ZEB1: variants seen among roughly 807,000 people sequenced by gnomAD.
The protein encoded by ZEB1 is zinc finger E-box binding homeobox 1.
A neutral mutation model predicts 84.9 loss-of-function variants in ZEB1; 21 were observed. That is an observed-to-expected ratio of 0.25 (90% CI 0.18 to 0.36). The LOEUF (loss-of-function observed/expected upper bound fraction) is 0.36, where lower values mean the gene tolerates loss of function less well. Among genes scored for constraint, ZEB1 ranks in the 10% least tolerant of loss-of-function variants. The pLI, the probability that ZEB1 is intolerant of heterozygous loss-of-function variation, is 1.00. For synonymous variants in ZEB1, 420 were observed against 471.1 expected (o/e 0.89, Z 1.41); for missense variants, 1,104 against 1,330.2 (o/e 0.83, Z 2.65).
chr10:31,472,462 A>C (rs1405155648), intron 2 of ZEB1, among the ~76,000 whole-genome samples: 2 of 152,238 alleles, frequency 1.3e-5, no homozygotes, highest in Admixed American at 6.5e-5. Flanking sequence ...ATCTAGAAGA[A>C]ATGGATACAT....
intron 1 of ZEB1, among the ~76,000 whole-genome samples, chr10:31,337,639 T>C (rs1564506146): frequency 6.6e-6 from 1 of 151,788 alleles, no homozygotes; most frequent in African/African-American, 2.4e-5. Flanking sequence ...TTTTATACTA[T>C]CTTTGTATTT....
chr10:31,493,073 T>C (rs1019983401), intron 2 of ZEB1, among the ~76,000 whole-genome samples: 6 of 151,972 alleles, frequency 3.9e-5, no homozygotes, highest in Non-Finnish European at 7.4e-5. Context: ...AGAGCAGTTC[T>C]GTCACTAACA....
Position 31,375,090 on chromosome 10 carries a change from C to CACAG in ZEB1, c.58+55799_58+55800insCAGA, listed in dbSNP as rs1204880411. On this transcript the variant is annotated intron_variant, in intron 1 of 8. Transcript: ENST00000424869. Reference sequence around the variant, plus strand: ...ACACACACACACACACACACACACACAGAGAAGCATACATGTTGATTACGT... The same window carrying CACAG: ...ACACACACACACACACACACACACACACAGAGAGAAGCATACATGTTGATTACGT... The CACAG allele has an allele frequency of 1.2e-3, 165 of 140,006 alleles. 1 individual carries two copies. The highest frequency in any genetic ancestry group is 3.8e-3 in the African/African-American group (135 of 35,362). 8.7% of individuals were successfully genotyped at this position (140,006 alleles called of 1,614,324 possible).
intron 1 of ZEB1, among the ~76,000 whole-genome samples, chr10:31,343,027 G>A (rs2039675369): frequency 6.6e-6 from 1 of 152,048 alleles, no homozygotes; most frequent in African/African-American, 2.4e-5. Flanking sequence ...ACATTCCAAG[G>A]ACGGTAAAAA....
intron 1 of ZEB1, chr10:31,361,018 G>C: frequency 6.2e-7 from 1 of 1,609,722 alleles, no homozygotes; most frequent in South Asian, 1.1e-5. Flanking sequence ...CAAGGCTCCT[G>C]CTTACCATCT....
intron 1 of ZEB1, among the ~76,000 whole-genome samples, chr10:31,399,316 AAT>A (rs2051448254): frequency 6.6e-6 from 1 of 151,964 alleles, no homozygotes; most frequent in African/African-American, 2.4e-5. Flanking sequence ...CTTAGAATGT[AAT>A]ATAGTAAACT....
rs569472473 is a variant in ZEB1 at position 31,348,384 on chromosome 10, C to T, written c.58+29092C>T. On this transcript the variant is annotated intron_variant, in intron 1 of 8. Coordinates refer to ENST00000424869, the MANE Select transcript of ZEB1 (RefSeq NM_001174096.2). ...TCTGAGACCAGCCTTGCCAACATAG[C>T]GAAACCCCATCTCTACTAAAAATAC... is the stretch of plus-strand genomic sequence containing the variant. Among the ~76,000 whole-genome samples, 12 of 151,820 alleles carry T rather than the reference C, an allele frequency of 7.9e-5. No homozygotes were observed. In the East Asian group the frequency reaches 2.1e-3, roughly 27 times the overall value.
At chr10:31,333,408 G>T (rs2037242083) in intron 1 of ZEB1, among the ~76,000 whole-genome samples, 1 of 152,056 alleles carries the variant, frequency 6.6e-6, no homozygotes, top group Admixed American at 6.5e-5. Flanking sequence ...AATGTAAAAA[G>T]GATAAAGAAC....
intron 1 of ZEB1, among the ~76,000 whole-genome samples, chr10:31,427,715 C>T (rs377217269): frequency 9.2e-5 from 14 of 152,074 alleles, no homozygotes; most frequent in African/African-American, 3.1e-4. Flanking sequence ...AAAAATTAGC[C>T]GGGCGTGGTG....
Position 31,388,093 on chromosome 10 carries a change from T to C in ZEB1, c.58+68801T>C, listed in dbSNP as rs552053659. 5.3e-5 allele frequency among the ~76,000 whole-genome samples: 8 copies of C among 152,256 alleles called. No individual in the cohort carries two copies. In the East Asian group the frequency reaches 1.5e-3, roughly 29 times the overall value. ...AAATTCAAATGTCATTTGGATATCA[T>C]TAATTGACTATGGAGAAGAGCAGAA... On this transcript the variant is annotated intron_variant, in intron 1 of 8. Transcript: ENST00000424869.
At chr10:31,329,894 GT>G (rs1263315551) in intron 1 of ZEB1, among the ~76,000 whole-genome samples, 1 of 152,000 alleles carries the variant, frequency 6.6e-6, no homozygotes, top group South Asian at 2.1e-4. Context: ...TAATTGGATT[GT>G]TTGTCTTTTT....
Position 31,488,089 on chromosome 10 carries a change from A to G in ZEB1, c.260-7687A>G, listed in dbSNP as rs143794406. ...CTTTTTCTTTTATTTTCTTCGTACTATTGTCCTATGGTTTTGGTATTAGAA... is the reference window on the plus strand; with the variant it reads ...CTTTTTCTTTTATTTTCTTCGTACTGTTGTCCTATGGTTTTGGTATTAGAA... On this transcript the variant is annotated intron_variant, in intron 2 of 8. Coordinates refer to ENST00000424869, the MANE Select transcript of ZEB1 (RefSeq NM_001174096.2). Among the ~76,000 whole-genome samples the G allele has an allele frequency of 9.2e-4, 139 of 150,316 alleles. 1 individual carries two copies. Among genetic ancestry groups the G allele is most frequent in the African/African-American group, 3.2e-3 (130 of 41,122 alleles).
chr10:31,438,896 G>A (rs1340869840), intron 1 of ZEB1, among the ~76,000 whole-genome samples: 1 of 152,110 alleles, frequency 6.6e-6, no homozygotes, highest in Non-Finnish European at 1.5e-5. Flanking sequence ...GTACATACAT[G>A]CATACATAGA....
intron 2 of ZEB1, among the ~76,000 whole-genome samples, chr10:31,471,392 A>G (rs568472343): frequency 1.3e-5 from 2 of 151,052 alleles, no homozygotes; most frequent in Non-Finnish European, 3.0e-5. Context: ...ATGGAAAATT[A>G]AAAAAGGCAG....
At chr10:31,367,742 T>C (rs1000948665) in intron 1 of ZEB1, among the ~76,000 whole-genome samples, 5 of 152,162 alleles carry the variant, frequency 3.3e-5, no homozygotes, top group African/African-American at 1.2e-4. Flanking sequence ...CTGGTTCTTA[T>C]ATAAATTGAA....
intron 1 of ZEB1, among the ~76,000 whole-genome samples, chr10:31,369,132 A>G (rs1210148340): frequency 2.0e-5 from 3 of 152,226 alleles, no homozygotes; most frequent in Non-Finnish European, 4.4e-5. Context: ...TTTATGGGGT[A>G]CAATGTGATG....
rs928540374 is a variant in ZEB1 at position 31,527,341 on chromosome 10, A to G, written c.*77A>G. 4 of 1,534,958 alleles carry G rather than the reference A, an allele frequency of 2.6e-6. No homozygotes were observed. The Admixed American group carries it at 5.9e-5, about 23-fold the overall frequency. The stretch of plus-strand genomic sequence containing the variant: ...TATTATCCTTGCTTTTCATGGAAAC[A>G]CAGTAACCTGTATGCTGTGATTCCT... On this transcript the variant is annotated 3_prime_UTR_variant, in exon 9 of 9. Coordinates refer to ENST00000424869, the MANE Select transcript of ZEB1 (RefSeq NM_001174096.2).
intron 1 of ZEB1, among the ~76,000 whole-genome samples, chr10:31,419,815 T>C (rs949102309): frequency 1.3e-5 from 2 of 152,180 alleles, no homozygotes; most frequent in Non-Finnish European, 2.9e-5. Flanking sequence ...GGCTGAGAGC[T>C]GAGGATACAG....
chr10:31,331,071 T>G (rs2036634044), intron 1 of ZEB1, among the ~76,000 whole-genome samples: 1 of 140,662 alleles, frequency 7.1e-6, no homozygotes, highest in Admixed American at 6.9e-5. Flanking sequence ...CTTTTCTTTT[T>G]TCTTTCTTTC....
Sources: allele counts gnomAD v4.1 joint callset (sites outside exome capture counted in the v4.1 genomes callset), GRCh38; gene constraint gnomAD v4.1.1; transcripts MANE v1.5; gene names NCBI Gene and HGNC (gene_info 2026-07-23, HGNC 2026-07-21).